Variants in LAMA1 observed in about 807,000 individuals in gnomAD.
LAMA1 encodes laminin subunit alpha 1, also known as laminin subunit alpha-1.
In LAMA1, 219 loss-of-function variants were observed where a neutral mutation model predicts 348.7. That is an observed-to-expected ratio of 0.63 (90% CI 0.56 to 0.70). The LOEUF (loss-of-function observed/expected upper bound fraction) is 0.70. Ranked by LOEUF, LAMA1 falls within the 30% of genes least tolerant of loss-of-function variation. The probability of loss-of-function intolerance (pLI) is 0.00; values close to 1 mark genes in which losing one functional copy is unlikely to be tolerated. For missense variants in LAMA1, 3,744 were observed against 3,888.0 expected, an observed-to-expected ratio of 0.96 and a Z score of 0.99; for synonymous variants, 1,487 against 1,491.0, an observed-to-expected ratio of 1.00 and a Z score of 0.06.
At chr18:7,003,784 C>T (rs1431107334) in intron 29 of LAMA1, among the ~76,000 whole-genome samples, 2 of 152,302 alleles carry the variant, frequency 1.3e-5, no homozygotes, top group East Asian at 1.9e-4. Context: ...TACAGAAAGA[C>T]ATCTTGTTAC....
intron 24 of LAMA1, 88 bp downstream of exon 24, chr18:7,011,907 T>C: frequency 1.3e-6 from 2 of 1,481,826 alleles, no homozygotes; most frequent in South Asian, 1.2e-5. Flanking sequence ...CAAAATTTAA[T>C]GTGAACACTT....
At chr18:7,105,692 T>G (rs1005195533) in intron 1 of LAMA1, among the ~76,000 whole-genome samples, 1 of 152,136 alleles carries the variant, frequency 6.6e-6, no homozygotes, top group Non-Finnish European at 1.5e-5. Context: ...TGCCTGAATA[T>G]GGAGGACACT....
chr18:6,949,006 T>G, intron 59 of LAMA1, 95 bp downstream of exon 59: 1 of 1,490,696 alleles, frequency 6.7e-7, no homozygotes, highest in Non-Finnish European at 9.2e-7. Context: ...TCAAACAAGG[T>G]AATTTAAACA....
chr18:7,054,571 C>T (rs2058074109), intron 3 of LAMA1, among the ~76,000 whole-genome samples: 1 of 152,150 alleles, frequency 6.6e-6, no homozygotes, highest in Non-Finnish European at 1.5e-5. Flanking sequence ...AACCAAAGTC[C>T]AGTACTTTTA....
chr18:7,087,043 TAGAG>T (rs1026277915), intron 1 of LAMA1, among the ~76,000 whole-genome samples: 3 of 152,144 alleles, frequency 2.0e-5, no homozygotes, highest in South Asian at 2.1e-4. Context: ...CAAATAGAAA[TAGAG>T]AGAAAAATTA....
chr18:6,965,251 G>A (rs2057627428), intron 50 of LAMA1, 37 bp downstream of exon 50: 1 of 1,613,508 alleles, frequency 6.2e-7, no homozygotes, highest in East Asian at 2.2e-5. Flanking sequence ...TTCTTATGAG[G>A]GTGACCGACA....
At chr18:7,064,697 A>G (rs2058115473) in intron 3 of LAMA1, among the ~76,000 whole-genome samples, 1 of 152,180 alleles carries the variant, frequency 6.6e-6, no homozygotes. Context: ...ATGATTCTAA[A>G]TATTGTTCAT....
rs556182352 is a variant in LAMA1, at chr18:7,022,874, G to A, written c.2701+290C>T. 2.6e-5 allele frequency among the ~76,000 whole-genome samples: 4 copies of A among 152,250 alleles called. No individual in the cohort carries two copies. In the South Asian group the frequency reaches 6.2e-4, roughly 24 times the overall value. On this transcript the variant is annotated intron_variant, in intron 19 of 62. Transcript: ENST00000389658. ...GCTTCCCCACTTTCATTTCAGTCAC[G>A]GGGAGCAGAGCCGGAACTCTGTCAA...
chr18:7,036,038 C>T lies in LAMA1; in HGVS notation c.1788G>A (p.Pro596=), dbSNP rs150371854. Residue 596 remains proline, a synonymous_variant, in exon 13 of 63, where the codon CCG becomes CCA. Coordinates refer to ENST00000389658, the MANE Select transcript of LAMA1 (RefSeq NM_005559.4). ...TGAGGTTACTGTCTACCGTCTCTAC[C>T]GGAATATCGTAGGACACCGTGTATT... ...FLKYTVSYDI[P]VETVDSNLMS... is the part of the protein sequence containing the mutation. 1.1e-4 allele frequency: 170 copies of T among 1,614,186 alleles called. No individual in the cohort carries two copies. Among genetic ancestry groups the T allele is most frequent in the East Asian group, 3.3e-4 (15 of 44,882 alleles).
At chr18:6,986,061 G>A in intron 37 of LAMA1, 76 bp downstream of exon 37, 1 of 1,534,446 alleles carries the variant, frequency 6.5e-7, no homozygotes. Context: ...CCAGGCCAGG[G>A]CTCACTTTTA....
chr18:7,054,814 A>T lies in LAMA1; in HGVS notation c.346-3878T>A, dbSNP rs920571304. ...TGAGGACCTTGATGGATCCACGTCCACTTAATGAATAGTAAATATAGTATT... is the reference window on the plus strand; with the variant it reads ...TGAGGACCTTGATGGATCCACGTCCTCTTAATGAATAGTAAATATAGTATT... On this transcript the variant is annotated intron_variant, in intron 3 of 62. Transcript: ENST00000389658. Among the ~76,000 whole-genome samples the T allele has an allele frequency of 3.3e-5, 5 of 152,314 alleles. No individual in the cohort carries two copies. The East Asian group carries it at 7.7e-4, about 24-fold the overall frequency.
Position 6,999,558 on chromosome 18 carries a change from A to G in LAMA1, c.4550T>C (p.Val1517Ala). 1 of 1,614,146 alleles carries G rather than the reference A, an allele frequency of 6.2e-7. No individual in the cohort carries two copies. The highest frequency in any genetic ancestry group is 8.5e-7 in the Non-Finnish European group (1 of 1,180,026). Residue 1517 changes from valine (V) to alanine (A), a missense_variant, in exon 32 of 63, where the codon GTC becomes GCC. Val to Ala is a moderately conservative substitution (Grantham distance 64). This residue lies in a region of LAMA1 where 1,983 missense variants were observed against 1,934.3 expected (regional missense o/e 1.03). Transcript: ENST00000389658. ...QKCDCNPHGS[V>A]HGDCDRTSGQ... ...AGATGTGCGGTCACAGTCACCGTGG[A>G]CAGAGCCGTGCGGGTTGCAGTCACA... is the stretch of plus-strand genomic sequence containing the variant.
intron 30 of LAMA1, among the ~76,000 whole-genome samples, 185 bp downstream of exon 30, chr18:7,002,079 C>T (rs982092408): frequency 2.6e-5 from 4 of 152,234 alleles, no homozygotes; most frequent in African/African-American, 9.6e-5. Context: ...AAAACAGATA[C>T]TTTGCTTTTG....
At chr18:7,010,977 T>C (rs111262460) in intron 25 of LAMA1, among the ~76,000 whole-genome samples, 350 of 152,356 alleles carry the variant, frequency 2.3e-3, no homozygotes, top group African/African-American at 7.9e-3. Context: ...ATAATAACTT[T>C]CGCACCTAAT....
intron 1 of LAMA1, among the ~76,000 whole-genome samples, chr18:7,098,832 C>T (rs1415024379): frequency 3.2e-5 from 4 of 124,374 alleles, no homozygotes; most frequent in South Asian, 3.0e-4. Flanking sequence ...CCGCCCCGTC[C>T]GGGAGGGAGG....
chr18:7,021,905 T>C (rs1011090255), intron 19 of LAMA1, among the ~76,000 whole-genome samples: 7 of 148,576 alleles, frequency 4.7e-5, no homozygotes, highest in Admixed American at 1.4e-4. Context: ...TTACTAGTAA[T>C]TATAATAGCT....
In LAMA1 at chr18:7,080,476, CA is replaced by C; in HGVS notation, c.62-20del. On this transcript the variant is annotated intron_variant, in intron 1 of 62. Transcript: ENST00000389658. ...AACAGGCCTGAAAGTGAAAATTTACCAAATCAGCTGAGCCACTTGAAATCCA... is the reference window on the plus strand; with the variant it reads ...AACAGGCCTGAAAGTGAAAATTTACCAATCAGCTGAGCCACTTGAAATCCA... 6.2e-7 allele frequency: 1 copy of C among 1,613,122 alleles called. No individual in the cohort carries two copies. The highest frequency in any genetic ancestry group is 8.5e-7 in the Non-Finnish European group (1 of 1,179,486).
At chr18:7,019,556 G>A (rs924981142) in intron 19 of LAMA1, among the ~76,000 whole-genome samples, 5 of 151,768 alleles carry the variant, frequency 3.3e-5, no homozygotes, top group South Asian at 2.1e-4. Flanking sequence ...GGAGGGAGGC[G>A]AAATAATGTT....
Position 7,037,564 on chromosome 18 carries a change from A to G in LAMA1, c.1737+14T>C. On this transcript the variant is annotated intron_variant, in intron 12 of 62. Coordinates refer to ENST00000389658, the MANE Select transcript of LAMA1 (RefSeq NM_005559.4). ...CTTCATCTGAGACATCGCTACCTGC[A>G]GGGTCACACGCACCTTATTTCCAAG... 2.5e-6 allele frequency: 4 copies of G among 1,613,862 alleles called. No individual in the cohort carries two copies. Among genetic ancestry groups the G allele is most frequent in the Non-Finnish European group, 3.4e-6 (4 of 1,179,902 alleles).
Sources: gnomAD v4.1 joint callset for allele counts (sites outside exome capture counted in the v4.1 genomes callset) on GRCh38, gnomAD v4.1.1 for gene constraint, gnomAD v4.1.1 regional missense constraint, MANE v1.5 for transcripts, NCBI Gene and HGNC (gene_info 2026-07-23, HGNC 2026-07-21) for gene names.